RYR3: variants seen among roughly 807,000 people sequenced by gnomAD.
RYR3 encodes the protein ryanodine receptor 3.
In RYR3, 207 loss-of-function variants were observed where a neutral mutation model predicts 584.3. That is an observed-to-expected ratio of 0.35 (90% CI 0.32 to 0.40). RYR3 has a LOEUF of 0.40. Among genes scored for constraint, RYR3 ranks in the 10% least tolerant of loss-of-function variants. The probability of loss-of-function intolerance (pLI) is 1.00; values close to 1 mark genes in which losing one functional copy is unlikely to be tolerated. For synonymous variants in RYR3, 2,416 were observed against 2,248.5 expected (o/e 1.07, Z -2.11); for missense variants, 5,616 against 6,089.2 (o/e 0.92, Z 2.59).
At chr15:33,772,558 G>A (rs1455660022) in intron 63 of RYR3, among the ~76,000 whole-genome samples, 2 of 152,138 alleles carry the variant, frequency 1.3e-5, no homozygotes, top group Non-Finnish European at 2.9e-5. Context: ...GATACCAGGA[G>A]CAAAGGAAAA....
rs1284668683 is a variant in RYR3 at position 33,603,247 on chromosome 15, G to A, written c.2047G>A (p.Gly683Ser). ...LTAEPTHLRV[G>S]WASSSGYAPY... Reference sequence around the variant, plus strand: ...AGCAGAGCCCACACATCTGCGGGTGGGCTGGGCCTCTTCTTCAGGCTATGC... The same window carrying A: ...AGCAGAGCCCACACATCTGCGGGTGAGCTGGGCCTCTTCTTCAGGCTATGC... The change falls in exon 18 of 104, where the codon GGC becomes AGC. Residue 683 changes from glycine to serine, a missense_variant. By Grantham distance (56) the Gly-to-Ser change is moderately conservative. This residue lies in a region of RYR3 where 1,284 missense variants were observed against 1,344.6 expected (regional missense o/e 0.95). Transcript: ENST00000634891. The A allele has an allele frequency of 6.2e-7, 1 of 1,613,824 alleles. No individual in the cohort carries two copies. The highest frequency in any genetic ancestry group is 1.3e-5 in the African/African-American group (1 of 74,904).
chr15:33,629,552 T>C (rs1261714017), intron 21 of RYR3, among the ~76,000 whole-genome samples: 1 of 152,256 alleles, frequency 6.6e-6, no homozygotes, highest in Admixed American at 6.5e-5. Context: ...TGTGGCTGAC[T>C]TTTGGTTCTA....
chr15:33,762,551 A>C (rs1007493104), intron 60 of RYR3, among the ~76,000 whole-genome samples: 2 of 152,226 alleles, frequency 1.3e-5, no homozygotes, highest in Non-Finnish European at 1.5e-5. Flanking sequence ...TAGGAATACA[A>C]CTTACAAGGG....
intron 16 of RYR3, among the ~76,000 whole-genome samples, chr15:33,587,742 G>C (rs1184307892): frequency 6.6e-6 from 1 of 152,158 alleles, no homozygotes; most frequent in African/African-American, 2.4e-5. Context: ...TTGGGTAAAG[G>C]TTTGTCATGA....
chr15:33,814,554 C>G (rs1304528015), intron 74 of RYR3, among the ~76,000 whole-genome samples: 4 of 152,132 alleles, frequency 2.6e-5, no homozygotes, highest in African/African-American at 9.7e-5. Context: ...TAACCTCGTC[C>G]TGAGCCAACT....
rs556178130 is a variant in RYR3, at chr15:33,841,361, T to C, written c.13037+478T>C. On this transcript the variant is annotated intron_variant, in intron 90 of 103. Coordinates refer to ENST00000634891, the MANE Select transcript of RYR3 (RefSeq NM_001036.6). ...GGTATATTTCCTTTTACCCTAGCTATATAATAAATACCTTATATTTATCAT... is the reference window on the plus strand; with the variant it reads ...GGTATATTTCCTTTTACCCTAGCTACATAATAAATACCTTATATTTATCAT... Among the ~76,000 whole-genome samples the C allele has an allele frequency of 2.6e-5, 4 of 152,370 alleles. No homozygotes were observed. In the South Asian group the frequency reaches 6.2e-4, roughly 24 times the overall value.
intron 18 of RYR3, 83 bp downstream of exon 18, chr15:33,603,447 C>T (rs1299350175): frequency 7.2e-7 from 1 of 1,390,878 alleles, no homozygotes; most frequent in African/African-American, 1.4e-5. Flanking sequence ...ATGACCACTT[C>T]CATTTGAAAT....
intron 1 of RYR3, among the ~76,000 whole-genome samples, chr15:33,404,587 G>GT (rs1314769832): frequency 9.9e-5 from 13 of 130,904 alleles, no homozygotes; most frequent in African/African-American, 3.0e-4. Context: ...TTACTACTGT[G>GT]TGTTTTTTTT....
chr15:33,862,259 C>A (rs1888544435), intron 102 of RYR3, among the ~76,000 whole-genome samples: 1 of 152,218 alleles, frequency 6.6e-6, no homozygotes, highest in Admixed American at 6.5e-5. Context: ...GTTGCCCAGG[C>A]TCGAGTGCAG....
At chr15:33,560,878 A>G (rs922599377) in intron 10 of RYR3, among the ~76,000 whole-genome samples, 3 of 152,238 alleles carry the variant, frequency 2.0e-5, no homozygotes, top group Admixed American at 6.5e-5. Flanking sequence ...AGAAAAATTC[A>G]TACTTATCCT....
At chr15:33,648,935 C>G (rs1475774418) in intron 30 of RYR3, 137 bp from the exon 31 acceptor site, 4 of 681,036 alleles carry the variant, frequency 5.9e-6, no homozygotes, top group African/African-American at 3.5e-5. Flanking sequence ...TCTAGCCTAC[C>G]TCTACTAGTG....
At chr15:33,432,431 C>T (rs571063008) in intron 1 of RYR3, among the ~76,000 whole-genome samples, 1 of 152,030 alleles carries the variant, frequency 6.6e-6, no homozygotes, top group South Asian at 2.1e-4. Flanking sequence ...GGTTCCAAGA[C>T]TTTTTCTTGT....
chr15:33,688,277 A>T (rs920384766), intron 38 of RYR3, among the ~76,000 whole-genome samples: 2 of 152,206 alleles, frequency 1.3e-5, no homozygotes, highest in African/African-American at 2.4e-5. Flanking sequence ...TTCTCAAAAG[A>T]AGACATTTAT....
At chr15:33,578,869 T>G in intron 12 of RYR3, among the ~76,000 whole-genome samples, 1 of 152,080 alleles carries the variant, frequency 6.6e-6, no homozygotes, top group East Asian at 1.9e-4. Flanking sequence ...CCACAAGAGA[T>G]AGGTCCATTT....
intron 1 of RYR3, among the ~76,000 whole-genome samples, chr15:33,415,724 TA>T (rs1334721200): frequency 2.6e-5 from 4 of 152,192 alleles, no homozygotes; most frequent in African/African-American, 9.7e-5. Flanking sequence ...TAAAAAAATT[TA>T]GATTTGAGGG....
At chr15:33,749,694 C>T (rs2071093209) in intron 55 of RYR3, among the ~76,000 whole-genome samples, 1 of 152,070 alleles carries the variant, frequency 6.6e-6, no homozygotes. Context: ...TGCCAGCATG[C>T]GGGTTCAAGT....
chr15:33,659,230 C>A (rs575982352), intron 32 of RYR3, among the ~76,000 whole-genome samples: 3 of 152,298 alleles, frequency 2.0e-5, no homozygotes, highest in South Asian at 2.1e-4. Flanking sequence ...AGAAACCCTA[C>A]CATGGGATCT....
In RYR3 at chr15:33,527,312, A is replaced by G. The variant is rs555450235; in HGVS notation, c.280-3280A>G. Among the ~76,000 whole-genome samples, 13 of 152,298 alleles carry G rather than the reference A, an allele frequency of 8.5e-5. No individual in the cohort carries two copies. In the South Asian group the frequency reaches 2.1e-3, roughly 24 times the overall value. ...AAAATACATTAAGGCCGGGCATGGTAGCTCACTCCTGTAATCCCAGCACTT... is the reference window on the plus strand; with the variant it reads ...AAAATACATTAAGGCCGGGCATGGTGGCTCACTCCTGTAATCCCAGCACTT... On this transcript the variant is annotated intron_variant, in intron 3 of 103. Transcript: ENST00000634891.
chr15:33,728,275 G>A (rs2068631333), intron 46 of RYR3, among the ~76,000 whole-genome samples: 1 of 152,142 alleles, frequency 6.6e-6, no homozygotes, highest in Non-Finnish European at 1.5e-5. Context: ...AATGGACATG[G>A]CACACCATTA....
Sources: gnomAD v4.1 joint callset for allele counts (sites outside exome capture counted in the v4.1 genomes callset) on GRCh38, gnomAD v4.1.1 for gene constraint, gnomAD v4.1.1 regional missense constraint, MANE v1.5 for transcripts, NCBI Gene and HGNC (gene_info 2026-07-23, HGNC 2026-07-21) for gene names.